MLLT1: variants seen among roughly 807,000 people sequenced by gnomAD.
MLLT1 encodes the protein protein ENL.
MLLT1 carries 11 observed loss-of-function variants against 55.1 expected under a neutral mutation model. The ratio of observed to expected loss-of-function variants is 0.20; its 90% CI spans 0.13 to 0.33. The LOEUF (loss-of-function observed/expected upper bound fraction) is 0.33. MLLT1 is among the 10% of genes least tolerant of loss of function. MLLT1 has a pLI of 1.00. For synonymous variants in MLLT1, 323 were observed against 320.1 expected (o/e 1.01, Z -0.10); for missense variants, 536 against 760.6 (o/e 0.70, Z 3.47).
chr19:6,222,480 A>G lies in MLLT1; in HGVS notation c.751T>C (p.Phe251Leu). 6.3e-7 allele frequency: 1 copy of G among 1,592,006 alleles called. No individual in the cohort carries two copies. Among genetic ancestry groups the G allele is most frequent in the Non-Finnish European group, 8.5e-7 (1 of 1,175,374 alleles). ...EEKAPPPKAA[F>L]KEPKMALKET... ...TTCAGGGCCATCTTGGGTTCCTTGA[A>G]GGCAGCCTTGGGCGGTGGCGCCTTC... Residue 251 changes from phenylalanine (F) to leucine (L), a missense_variant, in exon 6 of 12, where the codon TTC becomes CTC. Transcript: ENST00000252674. This position sits in a 1 kb window ranked among gnomAD's most constrained non-coding sequence, Gnocchi z 4.1.
At position 6,273,530 on chromosome 19, in the gene MLLT1, G is replaced by A. The variant is rs192640127; in HGVS notation, c.13-2771C>T. ...GCATGGCAATACTCAGGCCAAGCAC[G>A]AGTGTCTGCCTGAACACCACCGCAT... On this transcript the variant is annotated intron_variant, in intron 1 of 11. Coordinates refer to ENST00000252674, the MANE Select transcript of MLLT1 (RefSeq NM_005934.4). The surrounding 1 kb of genome is among the most constrained non-coding windows in gnomAD (Gnocchi z 4.3). Among the ~76,000 whole-genome samples, 8 of 152,270 alleles carry A rather than the reference G, an allele frequency of 5.3e-5. No homozygotes were observed. Among genetic ancestry groups the A allele is most frequent in the South Asian group, 2.1e-4 (1 of 4,822 alleles).
chr19:6,267,671 G>A (rs768277969), intron 2 of MLLT1, among the ~76,000 whole-genome samples: 2 of 152,168 alleles, frequency 1.3e-5, no homozygotes, highest in South Asian at 2.1e-4. Context: ...AAGTCCTGCC[G>A]TCCCAACCAG....
rs763624072 is a variant in MLLT1 at position 6,240,421 on chromosome 19, C to G, written c.277-9708G>C. Among the ~76,000 whole-genome samples the G allele has an allele frequency of 6.6e-6, 1 of 152,224 alleles. No individual in the cohort carries two copies. The highest frequency in any genetic ancestry group is 1.5e-5 in the Non-Finnish European group (1 of 68,032). On this transcript the variant is annotated intron_variant, in intron 3 of 11. Transcript: ENST00000252674. The surrounding 1 kb of genome is among the most constrained non-coding windows in gnomAD (Gnocchi z 4.7). ...GGAGCTCGACAGACACAGCAGGTGA[C>G]GCAGAGGGCGGGCTCCAAGCGGAGC...
intron 3 of MLLT1, among the ~76,000 whole-genome samples, chr19:6,248,102 G>C (rs2091184263): frequency 6.6e-6 from 1 of 152,094 alleles, no homozygotes; most frequent in African/African-American, 2.4e-5. Flanking sequence ...TGGCCAGGCT[G>C]GTCTTGAACT....
chr19:6,263,000 A>G lies in MLLT1; in HGVS notation c.194-690T>C, dbSNP rs2098282120. ...GGAGTTCGAGACCAGCCTGGCCAAC[A>G]TGATGAAACTCCGTCTCTAATAAAA... On this transcript the variant is annotated intron_variant, in intron 2 of 11. Coordinates refer to ENST00000252674, the MANE Select transcript of MLLT1 (RefSeq NM_005934.4). This position sits in a 1 kb window ranked among gnomAD's most constrained non-coding sequence, Gnocchi z 4.4. 3 of 152,250 alleles carry G rather than the reference A, an allele frequency of 2.0e-5. No individual in the cohort carries two copies. The highest frequency in any genetic ancestry group is 4.4e-5 in the Non-Finnish European group (3 of 68,106). The allele number at this position is 152,250 out of a possible 1,614,324, so 9.4% of individuals were successfully genotyped here.
chr19:6,247,109 G>C (rs1044687725), intron 3 of MLLT1, among the ~76,000 whole-genome samples: 1 of 152,166 alleles, frequency 6.6e-6, no homozygotes, highest in African/African-American at 2.4e-5. Flanking sequence ...CGCTGGTGCT[G>C]GATGGAGTTG....
Position 6,262,530 on chromosome 19 carries a change from C to T in MLLT1, c.194-220G>A, listed in dbSNP as rs1208065960. Among the ~76,000 whole-genome samples the T allele has an allele frequency of 6.6e-6, 1 of 152,164 alleles. No homozygotes were observed. The highest frequency in any genetic ancestry group is 2.4e-5 in the African/African-American group (1 of 41,436). On this transcript the variant is annotated intron_variant, in intron 2 of 11. Coordinates refer to ENST00000252674, the MANE Select transcript of MLLT1 (RefSeq NM_005934.4). The surrounding 1 kb of genome is among the most constrained non-coding windows in gnomAD (Gnocchi z 4.4). ...GCAGGGAAGAAGAGGAGAAAGGAGA[C>T]TTGGCCACCGGCATGGTCAGCAGAG...
Position 6,270,682 on chromosome 19 carries a change from G to A in MLLT1, c.90C>T (p.His30=), listed in dbSNP as rs753798519. The A allele has an allele frequency of 8.1e-6, 13 of 1,614,118 alleles. No individual in the cohort carries two copies. Among genetic ancestry groups the A allele is most frequent in the Middle Eastern group, 1.7e-4 (1 of 6,060 alleles). The stretch of plus-strand genomic sequence containing the variant: ...GGCCGCGGACAAACACCATCCAGTC[G>A]TGAGTGAACCCCTCCGTGGTGGGCT... ...RKKPTTEGFT[H]DWMVFVRGPE... is the part of the protein sequence containing the mutation. Residue 30 remains histidine (H), a synonymous_variant, in exon 2 of 12, where the codon CAC becomes CAT. Transcript: ENST00000252674. This position sits in a 1 kb window ranked among gnomAD's most constrained non-coding sequence, Gnocchi z 7.1.
At position 6,270,409 on chromosome 19, in the gene MLLT1, C is replaced by T. The variant is rs2091385960; in HGVS notation, c.193+170G>A. 6.6e-6 allele frequency among the ~76,000 whole-genome samples: 1 copy of T among 151,888 alleles called. No homozygotes were observed. Among genetic ancestry groups the T allele is most frequent in the Non-Finnish European group, 1.5e-5 (1 of 67,952 alleles). On this transcript the variant is annotated intron_variant, in intron 2 of 11. Transcript: ENST00000252674. This position sits in a 1 kb window ranked among gnomAD's most constrained non-coding sequence, Gnocchi z 7.1. ...CCTTCGGTTCTTCCTACGACTAACT[C>T]AACAGCTGGAGGTGACACGGCTCCA...
chr19:6,272,133 G>A (rs1454572102), intron 1 of MLLT1, among the ~76,000 whole-genome samples: 1 of 138,900 alleles, frequency 7.2e-6, no homozygotes, highest in Non-Finnish European at 1.5e-5. Flanking sequence ...TCCCTCAGAA[G>A]GAAGCCCGAG....
intron 3 of MLLT1, among the ~76,000 whole-genome samples, chr19:6,253,478 A>T (rs2091235740): frequency 6.6e-6 from 1 of 152,052 alleles, no homozygotes; most frequent in Admixed American, 6.5e-5. Context: ...AACTCACTTT[A>T]TGAGGGCGGC....
Position 6,270,765 on chromosome 19 carries a change from GGAGA to G in MLLT1, c.13-10_13-7del. ...AACCTCACCTGGACGGTGCACTGGA[GGAGA>G]GAGAGGTGGGGAGATGAAGTCAGCA... On this transcript the variant is annotated splice_region_variant and splice_polypyrimidine_tract_variant and intron_variant, in intron 1 of 11. Transcript: ENST00000252674. This position sits in a 1 kb window ranked among gnomAD's most constrained non-coding sequence, Gnocchi z 7.1. 6.3e-7 allele frequency: 1 copy of G among 1,595,340 alleles called. No homozygotes were observed. Among genetic ancestry groups the G allele is most frequent in the Non-Finnish European group, 8.6e-7 (1 of 1,167,782 alleles).
At chr19:6,213,820 C>G (rs1416309624) in intron 9 of MLLT1, 23 bp from the exon 10 acceptor site, 2 of 1,612,246 alleles carry the variant, frequency 1.2e-6, no homozygotes, top group African/African-American at 1.3e-5. Flanking sequence ...CAGGTCTCTG[C>G]TGAGCTGTGG....
chr19:6,260,155 G>A (rs2091291966), intron 3 of MLLT1, among the ~76,000 whole-genome samples: 1 of 151,848 alleles, frequency 6.6e-6, no homozygotes, highest in Non-Finnish European at 1.5e-5. Flanking sequence ...AAAAGAGCAG[G>A]CAGGGATTCA....
Position 6,222,788 on chromosome 19 carries a change from T to A in MLLT1, c.547-104A>T. 1.1e-6 allele frequency: 1 copy of A among 900,906 alleles called. No homozygotes were observed. Among genetic ancestry groups the A allele is most frequent in the Non-Finnish European group, 1.6e-6 (1 of 639,862 alleles). The allele number at this position is 900,906 out of a possible 1,614,324, so 55.8% of individuals were successfully genotyped here. A position where few individuals can be genotyped will look rare whatever the true frequency, so the allele number is the denominator to read the frequency against. On this transcript the variant is annotated intron_variant, in intron 5 of 11. Coordinates refer to ENST00000252674, the MANE Select transcript of MLLT1 (RefSeq NM_005934.4). This position sits in a 1 kb window ranked among gnomAD's most constrained non-coding sequence, Gnocchi z 4.1. Reference sequence around the variant, plus strand: ...TGACCCCTACAAAGCATAATCCACCTGATTCAGCCTCAGCTAGAGAAACTC... The same window carrying A: ...TGACCCCTACAAAGCATAATCCACCAGATTCAGCCTCAGCTAGAGAAACTC...
In MLLT1 at chr19:6,212,196, C is replaced by A; in HGVS notation, c.*846G>T. ...CGCTAGTCTGAGTAGAGCCCGAGAG[C>A]AGACTGGTGGCTCCCGGGCGCCCTG... On this transcript the variant is annotated 3_prime_UTR_variant, in exon 12 of 12. Transcript: ENST00000252674. 9.4e-7 allele frequency: 1 copy of A among 1,066,206 alleles called. No homozygotes were observed. Among genetic ancestry groups the A allele is most frequent in the Non-Finnish European group, 1.1e-6 (1 of 879,572 alleles). 66.0% of individuals were successfully genotyped at this position (1,066,206 alleles called of 1,614,324 possible). A position where few individuals can be genotyped will look rare whatever the true frequency, so the allele number is the denominator to read the frequency against.
At chr19:6,237,352 C>T (rs575889702) in intron 3 of MLLT1, among the ~76,000 whole-genome samples, 8 of 152,330 alleles carry the variant, frequency 5.3e-5, no homozygotes, top group African/African-American at 1.4e-4. Context: ...GGTCTTCCCG[C>T]TCCTGCCGAC....
In MLLT1 at chr19:6,228,705, G is replaced by C. The variant is rs575011411; in HGVS notation, c.421-1603C>G. Among the ~76,000 whole-genome samples, 7 of 152,250 alleles carry C rather than the reference G, an allele frequency of 4.6e-5. No homozygotes were observed. In the East Asian group the frequency reaches 1.4e-3, roughly 30 times the overall value. On this transcript the variant is annotated intron_variant, in intron 4 of 11. Transcript: ENST00000252674. ...CCTGCTGCTAGACGGCCACTGCCTGGTCCCGGGAAGCCCCGAGAGGAGCCC... is the reference window on the plus strand; with the variant it reads ...CCTGCTGCTAGACGGCCACTGCCTGCTCCCGGGAAGCCCCGAGAGGAGCCC...
At chr19:6,274,470 C>G (rs1329464633) in intron 1 of MLLT1, among the ~76,000 whole-genome samples, 5 of 152,192 alleles carry the variant, frequency 3.3e-5, no homozygotes, top group African/African-American at 1.2e-4. Flanking sequence ...GGAAGGGTGC[C>G]TGGCTGCAGA....
Sources: gnomAD v4.1 joint callset for allele counts (sites outside exome capture counted in the v4.1 genomes callset) on GRCh38, gnomAD v4.1.1 for gene constraint, Gnocchi (gnomAD v3.1) non-coding constraint, MANE v1.5 for transcripts, NCBI Gene and HGNC (gene_info 2026-07-23, HGNC 2026-07-21) for gene names.